FKBP5: variants seen among roughly 807,000 people sequenced by gnomAD.
FKBP5 encodes FKBP prolyl isomerase 5.
A neutral mutation model predicts 50.5 loss-of-function variants in FKBP5; 23 were observed. The ratio of observed to expected loss-of-function variants is 0.46; its 90% CI spans 0.33 to 0.65. The LOEUF (loss-of-function observed/expected upper bound fraction) is 0.65. Ranked by LOEUF, FKBP5 falls within the 30% of genes least tolerant of loss-of-function variation. The probability of loss-of-function intolerance (pLI) is 0.02; values close to 1 mark genes in which losing one functional copy is unlikely to be tolerated. For synonymous variants in FKBP5, 176 were observed against 190.6 expected (o/e 0.92, Z 0.63); for missense variants, 411 against 553.1 (o/e 0.74, Z 2.58).
At chr6:35,584,071 A>G (rs1762527858) in intron 8 of FKBP5, 1 of 985,342 alleles carries the variant, frequency 1.0e-6, no homozygotes, top group South Asian at 4.7e-5. Flanking sequence ...CAGAAAAAAG[A>G]AAAACACTGA....
At chr6:35,643,358 G>A (rs921878453) in intron 1 of FKBP5, among the ~76,000 whole-genome samples, 8 of 152,094 alleles carry the variant, frequency 5.3e-5, no homozygotes, top group African/African-American at 1.7e-4. Context: ...TCTGCAAAAT[G>A]GACACAGTAC....
At chr6:35,697,408 A>C (rs1766099595) in intron 2 of FKBP5, among the ~76,000 whole-genome samples, 2 of 152,212 alleles carry the variant, frequency 1.3e-5, no homozygotes, top group South Asian at 4.2e-4. Context: ...TTAGCCGGGC[A>C]TGGTGGCCCA....
intron 2 of FKBP5, among the ~76,000 whole-genome samples, chr6:35,704,226 C>T (rs1273150803): frequency 6.6e-6 from 1 of 152,168 alleles, no homozygotes; most frequent in Non-Finnish European, 1.5e-5. Context: ...GAAGTGGGGG[C>T]AGGTATCTAG....
intron 10 of FKBP5, 143 bp downstream of exon 10, chr6:35,576,851 A>G: frequency 9.7e-7 from 1 of 1,033,070 alleles, no homozygotes; most frequent in Middle Eastern, 3.2e-4. Context: ...CGACCTTTGG[A>G]TCCAAAGCAG....
chr6:35,619,284 A>G, intron 4 of FKBP5, 74 bp from the exon 5 acceptor site: 1 of 863,698 alleles, frequency 1.2e-6, no homozygotes. Flanking sequence ...GGCAAGGGCA[A>G]CCAATTATTT....
In FKBP5 at chr6:35,575,883, TC is replaced by T; in HGVS notation, c.1325del (p.Gly442GlufsTer27). On this transcript the variant is annotated frameshift_variant, in exon 11 of 11. Transcript: ENST00000357266. LOFTEE classifies it high-confidence loss of function. Reference protein sequence around the residue: ...KTSEGVTNEKGTDSQAMEEEK... With the variant: ...KTSEGVTNEKXTDSQAMEEEK... ...CTTCTTCCATTGCTTGACTGTCTGT[TC>T]CTTTTTCATTAGTGACCCCTTCTGA... The T allele has an allele frequency of 1.2e-6, 2 of 1,614,182 alleles. No individual in the cohort carries two copies. Among genetic ancestry groups the T allele is most frequent in the Non-Finnish European group, 1.7e-6 (2 of 1,179,998 alleles).
chr6:35,695,525 A>C (rs1293155504), intron 2 of FKBP5, among the ~76,000 whole-genome samples: 2 of 152,220 alleles, frequency 1.3e-5, no homozygotes, highest in East Asian at 1.9e-4. Flanking sequence ...ATTAGGCAAG[A>C]AATACAAATT....
chr6:35,637,423 A>G (rs7751598), intron 2 of FKBP5, among the ~76,000 whole-genome samples: 97,363 of 147,542 alleles, frequency 0.66, 32,245 homozygotes, highest in Non-Finnish European at 0.7. Flanking sequence ...AATCCTGTTC[A>G]TTGGTTTAAT....
chr6:35,715,604 A>C (rs887917288), intron 2 of FKBP5, among the ~76,000 whole-genome samples: 2 of 152,366 alleles, frequency 1.3e-5, no homozygotes, highest in Admixed American at 1.3e-4. Context: ...ACAAAGGCTC[A>C]GAGGTGTACA....
intron 3 of FKBP5, among the ~76,000 whole-genome samples, chr6:35,636,108 TATTC>T (rs1392834901): frequency 6.6e-5 from 10 of 152,160 alleles, no homozygotes; most frequent in Admixed American, 4.6e-4. Context: ...ACTGAGAAAA[TATTC>T]ATTCTTAGTT....
In FKBP5 at chr6:35,660,976, G is replaced by A. The variant is rs1200060078; in HGVS notation, c.-19-18133C>T. Among the ~76,000 whole-genome samples, 2 of 83,738 alleles carry A rather than the reference G, an allele frequency of 2.4e-5. 1 individual carries two copies. The highest frequency in any genetic ancestry group is 7.4e-5 in the African/African-American group (2 of 27,040). 54.9% of individuals were successfully genotyped at this position (83,738 alleles called of 152,430 possible). A position where few individuals can be genotyped will look rare whatever the true frequency, so the allele number is the denominator to read the frequency against. On this transcript the variant is annotated intron_variant, in intron 1 of 10. Transcript: ENST00000357266. ...ATAGGCAAATTCATAGAGACAGAAA[G>A]GAGACTGGTGGTTGCTTAGGGTTAG...
intron 8 of FKBP5, chr6:35,586,435 C>T: frequency 1.0e-6 from 1 of 985,396 alleles, no homozygotes; most frequent in Non-Finnish European, 1.2e-6. Context: ...GTCCTCTCTC[C>T]TTTTATCATA....
At chr6:35,595,455 A>C (rs1007150255) in intron 6 of FKBP5, among the ~76,000 whole-genome samples, 2 of 152,242 alleles carry the variant, frequency 1.3e-5, no homozygotes, top group African/African-American at 4.8e-5. Context: ...GATTAAAAGT[A>C]ATCAGAGATG....
At chr6:35,646,930 C>T (rs1764646839) in intron 1 of FKBP5, among the ~76,000 whole-genome samples, 2 of 152,192 alleles carry the variant, frequency 1.3e-5, no homozygotes, top group Non-Finnish European at 2.9e-5. Context: ...CATAACTAAA[C>T]TATCAGGTCC....
intron 2 of FKBP5, among the ~76,000 whole-genome samples, chr6:35,704,487 G>A (rs1208089938): frequency 6.6e-6 from 1 of 152,128 alleles, no homozygotes; most frequent in African/African-American, 2.4e-5. Context: ...AATATATCTG[G>A]GTGGCTGGAT....
chr6:35,685,982 CAA>C (rs60786619), intron 1 of FKBP5, among the ~76,000 whole-genome samples: 67 of 46,248 alleles, frequency 1.4e-3, no homozygotes, highest in Admixed American at 5.5e-3. Context: ...AACGCCATCT[CAA>C]AAAAAAAAAA....
At chr6:35,582,836 C>T (rs761677067) in intron 8 of FKBP5, 11 of 984,190 alleles carry the variant, frequency 1.1e-5, no homozygotes, top group African/African-American at 1.7e-5. Context: ...TTGTCCTCTC[C>T]CTTTTGGAAT....
intron 1 of FKBP5, among the ~76,000 whole-genome samples, chr6:35,723,630 CAAA>C (rs1014070775): frequency 2.0e-5 from 3 of 152,166 alleles, no homozygotes; most frequent in Non-Finnish European, 2.9e-5. Flanking sequence ...GAAAGATAAA[CAAA>C]GAAGAATGAA....
At chr6:35,685,350 C>T (rs1271247849) in intron 1 of FKBP5, among the ~76,000 whole-genome samples, 7 of 152,148 alleles carry the variant, frequency 4.6e-5, no homozygotes, top group Non-Finnish European at 1.0e-4. Flanking sequence ...ATGTGACATA[C>T]ATACCACCAC....
Sources: allele counts gnomAD v4.1 joint callset (sites outside exome capture counted in the v4.1 genomes callset), GRCh38; gene constraint gnomAD v4.1.1; transcripts MANE v1.5; gene names NCBI Gene and HGNC (gene_info 2026-07-23, HGNC 2026-07-21).